Variants in CMSS1 observed in about 807,000 individuals in gnomAD.
The protein encoded by CMSS1 is protein CMSS1.
Under a neutral mutation model 43.5 loss-of-function variants are expected in CMSS1, and 33 were observed. The ratio of observed to expected loss-of-function variants is 0.76; its 90% CI spans 0.57 to 1.01. CMSS1 has a LOEUF of 1.01. Ranked by LOEUF, CMSS1 falls within the 50% of genes least tolerant of loss-of-function variation. The pLI is 0.00. For synonymous variants in CMSS1, 115 were observed against 117.2 expected (o/e 0.98, Z 0.12); for missense variants, 313 against 326.4 (o/e 0.96, Z 0.32).
chr3:100,011,956 A>C (rs1449686984), intron 1 of CMSS1, among the ~76,000 whole-genome samples: 2 of 152,148 alleles, frequency 1.3e-5, no homozygotes, highest in South Asian at 2.1e-4. Flanking sequence ...GCAATATAAG[A>C]TATTGTGTGG....
intron 1 of CMSS1, chr3:99,898,784 A>T (rs977155864): frequency 2.1e-5 from 3 of 146,236 alleles, no homozygotes; most frequent in African/African-American, 7.4e-5. Context: ...AAAAAAAAAA[A>T]AGTGCATTTT....
At chr3:100,115,022 C>T (rs370656681) in intron 1 of CMSS1, 500 of 1,450,836 alleles carry the variant, frequency 3.4e-4, no homozygotes, top group Admixed American at 5.7e-4. Context: ...TATTATTTGA[C>T]ATTTTGTTTT....
At chr3:99,963,587 T>C (rs1708556722) in intron 1 of CMSS1, among the ~76,000 whole-genome samples, 1 of 152,140 alleles carries the variant, frequency 6.6e-6, no homozygotes, top group African/African-American at 2.4e-5. Flanking sequence ...TTTGCCTTGA[T>C]GGTGTTACCT....
chr3:100,008,259 T>TG (rs1559723329), intron 1 of CMSS1, among the ~76,000 whole-genome samples: 1 of 152,130 alleles, frequency 6.6e-6, no homozygotes, highest in African/African-American at 2.4e-5. Context: ...TGCTTCCCAA[T>TG]TAGATTCCCT....
intron 1 of CMSS1, among the ~76,000 whole-genome samples, chr3:99,918,842 G>A (rs1220335024): frequency 6.6e-6 from 1 of 152,138 alleles, no homozygotes; most frequent in African/African-American, 2.4e-5. Context: ...ATTTTGTTCT[G>A]TCAAAGAACT....
At chr3:99,931,098 G>T in intron 1 of CMSS1, 2 of 1,276,480 alleles carry the variant, frequency 1.6e-6, no homozygotes, top group Non-Finnish European at 2.2e-6. Flanking sequence ...ACCTATTACT[G>T]CTTTAACAAG....
At chr3:100,164,815 G>A (rs2067053188) in intron 4 of CMSS1, among the ~76,000 whole-genome samples, 1 of 152,126 alleles carries the variant, frequency 6.6e-6, no homozygotes, top group South Asian at 2.1e-4. Flanking sequence ...TTCCTATTTA[G>A]TTTGTCGAGC....
chr3:100,110,620 A>G (rs1001492639), intron 1 of CMSS1, among the ~76,000 whole-genome samples: 3 of 152,208 alleles, frequency 2.0e-5, no homozygotes, highest in Non-Finnish European at 4.4e-5. Flanking sequence ...GGTCATAGCT[A>G]ATAATAGACA....
intron 1 of CMSS1, among the ~76,000 whole-genome samples, chr3:100,124,945 A>G (rs2066651889): frequency 6.6e-6 from 1 of 152,024 alleles, no homozygotes; most frequent in African/African-American, 2.4e-5. Context: ...TTCCTGCACA[A>G]TCCCTCAGGC....
intron 1 of CMSS1, among the ~76,000 whole-genome samples, chr3:99,993,340 C>A (rs1422454535): frequency 6.6e-6 from 1 of 151,940 alleles, no homozygotes; most frequent in Admixed American, 6.6e-5. Flanking sequence ...GAGCTTGGAA[C>A]TTCACTAGTT....
chr3:100,039,090 A>G (rs1466396151), intron 1 of CMSS1, among the ~76,000 whole-genome samples: 1 of 152,228 alleles, frequency 6.6e-6, no homozygotes, highest in Admixed American at 6.5e-5. Flanking sequence ...TATAAAAAGA[A>G]TAGGAAATTA....
At chr3:100,095,122 A>T (rs369116808) in intron 1 of CMSS1, among the ~76,000 whole-genome samples, 111 of 152,274 alleles carry the variant, frequency 7.3e-4, no homozygotes, top group African/African-American at 2.6e-3. Context: ...CAGTACATAC[A>T]GTCTTGATTA....
intron 2 of CMSS1, among the ~76,000 whole-genome samples, chr3:100,147,692 G>A (rs557429822): frequency 6.6e-6 from 1 of 152,288 alleles, no homozygotes; most frequent in East Asian, 1.9e-4. Context: ...GAGATAAATA[G>A]TATAAAGATA....
chr3:99,902,434 A>G lies in CMSS1; in HGVS notation c.64+84391A>G, dbSNP rs539833488. 2.9e-4 allele frequency among the ~76,000 whole-genome samples: 44 copies of G among 152,346 alleles called. 1 individual carries two copies. In the South Asian group the frequency reaches 8.9e-3, roughly 31 times the overall value. ...AGATGCATTTCCATGGGAGGACATG[A>G]AAAAAGGTAGTGAAAATGAAATACC... is the stretch of plus-strand genomic sequence containing the variant. On this transcript the variant is annotated intron_variant, in intron 1 of 9. Coordinates refer to ENST00000421999, the MANE Select transcript of CMSS1 (RefSeq NM_032359.4).
intron 1 of CMSS1, among the ~76,000 whole-genome samples, chr3:100,017,304 T>C (rs1292360059): frequency 6.6e-6 from 1 of 152,136 alleles, no homozygotes; most frequent in Non-Finnish European, 1.5e-5. Flanking sequence ...TTTTTGGGGC[T>C]CCAGTGTAGA....
intron 1 of CMSS1, among the ~76,000 whole-genome samples, chr3:99,870,247 G>A (rs572945514): frequency 2.0e-5 from 3 of 152,178 alleles, no homozygotes; most frequent in Non-Finnish European, 4.4e-5. Context: ...GAGCTAAGAA[G>A]AGTAGAACTC....
At chr3:99,996,943 G>A (rs116812997) in intron 1 of CMSS1, among the ~76,000 whole-genome samples, 120 of 152,070 alleles carry the variant, frequency 7.9e-4, no homozygotes, top group African/African-American at 2.6e-3. Context: ...AAATTTTTTC[G>A]AAACAAATGA....
chr3:99,923,717 A>G (rs958566620), intron 1 of CMSS1, among the ~76,000 whole-genome samples: 1 of 152,192 alleles, frequency 6.6e-6, no homozygotes, highest in Non-Finnish European at 1.5e-5. Context: ...AGGAAAGCAT[A>G]ACTGATCATC....
chr3:100,178,555 C>G lies in CMSS1; in HGVS notation c.*167C>G. The G allele has an allele frequency of 3.6e-6, 2 of 559,416 alleles. No homozygotes were observed. The highest frequency in any genetic ancestry group is 4.6e-5 in the South Asian group (2 of 43,678). 34.7% of individuals were successfully genotyped at this position (559,416 alleles called of 1,614,324 possible). A position where few individuals can be genotyped will look rare whatever the true frequency, so the allele number is the denominator to read the frequency against. On this transcript the variant is annotated 3_prime_UTR_variant, in exon 10 of 10. Transcript: ENST00000421999. ...GATTCTGAAACAGAAATGAAACTGTCCTTTTGACAACTCTCTTATATAATA... is the reference window on the plus strand; with the variant it reads ...GATTCTGAAACAGAAATGAAACTGTGCTTTTGACAACTCTCTTATATAATA...
Sources: allele counts gnomAD v4.1 joint callset (sites outside exome capture counted in the v4.1 genomes callset), GRCh38; gene constraint gnomAD v4.1.1; transcripts MANE v1.5; gene names NCBI Gene and HGNC (gene_info 2026-07-23, HGNC 2026-07-21).